GALNS: variants seen among roughly 807,000 people sequenced by gnomAD.
GALNS encodes N-acetylgalactosamine-6-sulfatase.
Under a neutral mutation model 65.9 loss-of-function variants are expected in GALNS, and 65 were observed. The ratio of observed to expected loss-of-function variants is 0.99; its 90% CI spans 0.81 to 1.21. The LOEUF (loss-of-function observed/expected upper bound fraction) is 1.21, where lower values mean the gene tolerates loss of function less well. GALNS is among the 50% of genes most tolerant of loss of function. The pLI is 0.00. For synonymous variants in GALNS, 346 were observed against 288.9 expected (o/e 1.20, Z -2.00); for missense variants, 776 against 700.7 (o/e 1.11, Z -1.21).
intron 8 of GALNS, 40 bp from the exon 9 acceptor site, chr16:88,832,141 T>C (rs1347167902): frequency 6.4e-7 from 1 of 1,551,096 alleles, no homozygotes; most frequent in Non-Finnish European, 8.9e-7. Flanking sequence ...TGGGACCAGA[T>C]GTCCCCAGGC....
intron 1 of GALNS, chr16:88,854,999 C>G (rs764437052): frequency 2.9e-6 from 1 of 340,202 alleles, no homozygotes; most frequent in African/African-American, 2.2e-5. Flanking sequence ...ACATGTGCCC[C>G]GGTGGCCACA....
At chr16:88,831,154 C>A (rs1002890719) in intron 9 of GALNS, among the ~76,000 whole-genome samples, 3 of 152,200 alleles carry the variant, frequency 2.0e-5, no homozygotes, top group Admixed American at 2.0e-4. Flanking sequence ...GCCTGTCTGA[C>A]CAAGCACAGC....
At chr16:88,837,925 G>A (rs1912315475) in intron 4 of GALNS, 160 bp from the exon 5 acceptor site, 1 of 705,608 alleles carries the variant, frequency 1.4e-6, no homozygotes, top group South Asian at 1.7e-5. Context: ...AAAAGACCAA[G>A]GCCTCACCCG....
chr16:88,822,804 C>T (rs1333587708), intron 11 of GALNS, 94 bp from the exon 12 acceptor site: 1 of 1,531,112 alleles, frequency 6.5e-7, no homozygotes, highest in Non-Finnish European at 8.8e-7. Context: ...CTGACTGCGG[C>T]CGTGAGGGGC....
At position 88,835,272 on chromosome 16, in the gene GALNS, T is replaced by A. The variant is rs1381682562; in HGVS notation, c.839A>T (p.Asn280Ile). ...GTCCGACGTGAAGAAGACGAAGGTG[T>A]TGTCCGCGACGTGCAGGTCTTGGAG... ...ELLQDLHVAD[N>I]TFVFFTSDNG... Residue 280 changes from asparagine to isoleucine, a missense_variant, in exon 8 of 14, where the codon AAC becomes ATC. Coordinates refer to ENST00000268695, the MANE Select transcript of GALNS (RefSeq NM_000512.5). 6.2e-7 allele frequency: 1 copy of A among 1,611,782 alleles called. No individual in the cohort carries two copies. Among genetic ancestry groups the A allele is most frequent in the Non-Finnish European group, 8.5e-7 (1 of 1,179,056 alleles).
At chr16:88,836,112 T>C (rs1912112604) in intron 6 of GALNS, 89 bp downstream of exon 6, 1 of 1,280,580 alleles carries the variant, frequency 7.8e-7, no homozygotes, top group Non-Finnish European at 1.1e-6. Context: ...GTTGATGCAT[T>C]CCTGTCCCCA....
chr16:88,829,838 G>C (rs1407786435), intron 9 of GALNS, among the ~76,000 whole-genome samples: 2 of 152,222 alleles, frequency 1.3e-5, no homozygotes, highest in African/African-American at 4.8e-5. Context: ...GGCAATTGAG[G>C]CGGCAGACAC....
At chr16:88,836,175 G>C in intron 6 of GALNS, 26 bp downstream of exon 6, 2 of 1,609,620 alleles carry the variant, frequency 1.2e-6, no homozygotes, top group East Asian at 2.2e-5. Flanking sequence ...CGTCCCACAG[G>C]GCGAGGATGG....
chr16:88,846,842 G>T (rs1006899567), intron 1 of GALNS, among the ~76,000 whole-genome samples: 2 of 152,000 alleles, frequency 1.3e-5, no homozygotes, highest in Non-Finnish European at 2.9e-5. Context: ...GTGCCCGGCC[G>T]TGTTTCTGTT....
intron 1 of GALNS, among the ~76,000 whole-genome samples, chr16:88,853,144 G>C (rs1006028100): frequency 1.3e-5 from 2 of 150,004 alleles, no homozygotes; most frequent in East Asian, 2.0e-4. Flanking sequence ...CCAGCTACTC[G>C]GGAGGCTGAG....
In GALNS at chr16:88,815,271, G is replaced by C. The variant is rs780898219; in HGVS notation, c.1483-746C>G. The C allele has an allele frequency of 5.1e-6, 5 of 985,374 alleles. No individual in the cohort carries two copies. In the South Asian group the frequency reaches 2.3e-4, roughly 46 times the overall value. The allele number at this position is 985,374 out of a possible 1,614,324, so 61.0% of individuals were successfully genotyped here. A position where few individuals can be genotyped will look rare whatever the true frequency, so the allele number is the denominator to read the frequency against. On this transcript the variant is annotated intron_variant, in intron 13 of 13. Coordinates refer to ENST00000268695, the MANE Select transcript of GALNS (RefSeq NM_000512.5). ...GGGGATGCAGCTGCCAAGTGGCTGA[G>C]GGCCTCCGAGGGCCAGCAGTGTTAG... is the stretch of plus-strand genomic sequence containing the variant.
rs547434244 is a variant in GALNS at position 88,842,619 on chromosome 16, C to T, written c.244+87G>A. 3.2e-5 allele frequency: 49 copies of T among 1,519,262 alleles called. No homozygotes were observed. The African/African-American group carries it at 6.2e-4, about 19-fold the overall frequency. The allele number at this position is 1,519,262 out of a possible 1,614,324, so 94.1% of individuals were successfully genotyped here. ...GTAGGAATAGACAAGGTTGATGCAG[C>T]CGCCCAGAGTCAGGGCTGGAAGGAC... On this transcript the variant is annotated intron_variant, in intron 2 of 13. Transcript: ENST00000268695.
At chr16:88,852,233 G>A (rs967781583) in intron 1 of GALNS, among the ~76,000 whole-genome samples, 14 of 152,320 alleles carry the variant, frequency 9.2e-5, no homozygotes, top group Middle Eastern at 3.4e-3. Flanking sequence ...GTGATACCCA[G>A]GCAAACAGGG....
intron 5 of GALNS, among the ~76,000 whole-genome samples, chr16:88,836,806 G>A (rs1160491564): frequency 6.6e-6 from 1 of 152,222 alleles, no homozygotes. Flanking sequence ...GGAAGATGGG[G>A]GAATGGGGCT....
At chr16:88,821,548 G>A (rs2142991734) in intron 12 of GALNS, among the ~76,000 whole-genome samples, 1 of 152,296 alleles carries the variant, frequency 6.6e-6, no homozygotes, top group East Asian at 1.9e-4. Context: ...GAGAGGTGCT[G>A]CCGAGGAAGT....
intron 9 of GALNS, among the ~76,000 whole-genome samples, chr16:88,829,751 T>C (rs969842120): frequency 1.3e-5 from 2 of 152,192 alleles, no homozygotes; most frequent in Non-Finnish European, 2.9e-5. Flanking sequence ...TTTCCTGATG[T>C]GTAGAATGAG....
intron 5 of GALNS, among the ~76,000 whole-genome samples, chr16:88,837,270 T>G (rs1036797257): frequency 6.6e-6 from 1 of 152,144 alleles, no homozygotes; most frequent in African/African-American, 2.4e-5. Context: ...CCCATGTCCC[T>G]GGATGTCTGG....
At chr16:88,826,931 C>T in intron 9 of GALNS, 93 bp from the exon 10 acceptor site, 2 of 1,459,236 alleles carry the variant, frequency 1.4e-6, no homozygotes, top group Non-Finnish European at 9.4e-7. Flanking sequence ...CCCCGCTGCC[C>T]AGCTGGGTCT....
At chr16:88,815,704 G>A (rs1380637962) in intron 13 of GALNS, 2 of 985,348 alleles carry the variant, frequency 2.0e-6, no homozygotes, top group Admixed American at 1.2e-4. Context: ...GCTGCTCAGG[G>A]TACTAAGGAC....
Sources: allele counts gnomAD v4.1 joint callset (sites outside exome capture counted in the v4.1 genomes callset), GRCh38; gene constraint gnomAD v4.1.1; transcripts MANE v1.5; gene names NCBI Gene and HGNC (gene_info 2026-07-23, HGNC 2026-07-21).